Variants in LRP1B observed in about 807,000 individuals in gnomAD.
LRP1B encodes the protein low-density lipoprotein receptor-related protein 1B.
In LRP1B, 217 loss-of-function variants were observed where a neutral mutation model predicts 556.6. That is an observed-to-expected ratio of 0.39 (90% confidence interval 0.35 to 0.44). The LOEUF (loss-of-function observed/expected upper bound fraction) is 0.44. Ranked by LOEUF, LRP1B falls within the 20% of genes least tolerant of loss-of-function variation. The probability of loss-of-function intolerance (pLI) is 1.00; values close to 1 mark genes in which losing one functional copy is unlikely to be tolerated. For synonymous variants in LRP1B, 2,047 were observed against 1,865.8 expected, an observed-to-expected ratio of 1.10 and a Z score of -2.50; for missense variants, 5,053 against 5,620.8, an observed-to-expected ratio of 0.90 and a Z score of 3.23.
At chr2:140,576,809 A>T (rs1481774781) in intron 43 of LRP1B, among the ~76,000 whole-genome samples, 1 of 152,110 alleles carries the variant, frequency 6.6e-6, no homozygotes, top group African/African-American at 2.4e-5. Flanking sequence ...GATGGTTGCT[A>T]TTTTATACTC....
intron 1 of LRP1B, among the ~76,000 whole-genome samples, chr2:142,115,175 T>C (rs1346219084): frequency 6.6e-6 from 1 of 151,754 alleles, no homozygotes; most frequent in Non-Finnish European, 1.5e-5. Flanking sequence ...TGCATTCAGT[T>C]AGAAGTCTGT....
At chr2:140,766,360 A>C (rs1396288720) in intron 35 of LRP1B, among the ~76,000 whole-genome samples, 1 of 152,052 alleles carries the variant, frequency 6.6e-6, no homozygotes, top group Non-Finnish European at 1.5e-5. Flanking sequence ...AGATATTATA[A>C]ATCAAGCTGC....
At chr2:140,269,246 A>G (rs1449172627) in intron 86 of LRP1B, 1 of 470,406 alleles carries the variant, frequency 2.1e-6, no homozygotes, top group South Asian at 1.6e-5. Context: ...AAGCGCAGCG[A>G]TAAGTGGAAG....
intron 1 of LRP1B, among the ~76,000 whole-genome samples, chr2:142,101,943 T>C (rs948985608): frequency 6.6e-6 from 1 of 151,978 alleles, no homozygotes; most frequent in African/African-American, 2.4e-5. Context: ...TGAGATAGTA[T>C]GGAGAGAGAA....
chr2:140,377,804 T>G (rs1352347278), intron 68 of LRP1B, among the ~76,000 whole-genome samples: 1 of 152,148 alleles, frequency 6.6e-6, no homozygotes, highest in Non-Finnish European at 1.5e-5. Flanking sequence ...AGAAAGAGAC[T>G]GGGGAGAAGA....
chr2:140,634,079 T>A (rs558608032), intron 41 of LRP1B, among the ~76,000 whole-genome samples: 1 of 152,254 alleles, frequency 6.6e-6, no homozygotes, highest in Non-Finnish European at 1.5e-5. Context: ...AATGTAGCAG[T>A]GCATGAAAAG....
At chr2:141,665,430 T>C (rs1009750786) in intron 2 of LRP1B, among the ~76,000 whole-genome samples, 1 of 152,078 alleles carries the variant, frequency 6.6e-6, no homozygotes, top group Non-Finnish European at 1.5e-5. Flanking sequence ...CAAGAAATAA[T>C]AGATGCTGGT....
At chr2:140,878,312 C>T (rs1693372030) in intron 25 of LRP1B, among the ~76,000 whole-genome samples, 1 of 151,672 alleles carries the variant, frequency 6.6e-6, no homozygotes, top group African/African-American at 2.4e-5. Context: ...GCCTATTTTC[C>T]CAAAAAATTT....
intron 3 of LRP1B, among the ~76,000 whole-genome samples, chr2:141,297,699 T>C (rs560808502): frequency 1.3e-5 from 2 of 152,246 alleles, no homozygotes; most frequent in East Asian, 3.9e-4. Flanking sequence ...TTACTTTACT[T>C]ATATTTGTAC....
intron 62 of LRP1B, 133 bp from the exon 63 acceptor site, chr2:140,450,794 C>T (rs1686854001): frequency 1.6e-6 from 1 of 613,320 alleles, no homozygotes; most frequent in Non-Finnish European, 2.8e-6. Context: ...TGGAAAATTC[C>T]ACAATAGGAA....
intron 3 of LRP1B, among the ~76,000 whole-genome samples, chr2:141,463,614 AT>A (rs561383834): frequency 2.8e-4 from 28 of 100,924 alleles, no homozygotes; most frequent in Admixed American, 1.5e-3. Flanking sequence ...ATTATATATA[AT>A]TATGTATTAT....
intron 18 of LRP1B, among the ~76,000 whole-genome samples, chr2:140,971,533 T>G (rs1386739657): frequency 6.6e-6 from 1 of 152,186 alleles, no homozygotes; most frequent in African/African-American, 2.4e-5. Flanking sequence ...CATTCTCTGA[T>G]CTTCTTTTAA....
intron 7 of LRP1B, among the ~76,000 whole-genome samples, chr2:141,098,009 A>C (rs1700363598): frequency 6.6e-6 from 1 of 152,182 alleles, no homozygotes; most frequent in Non-Finnish European, 1.5e-5. Flanking sequence ...TCAAGCAGAC[A>C]ATACAGCTTT....
chr2:142,016,424 A>C (rs1392118151), intron 1 of LRP1B, among the ~76,000 whole-genome samples: 1 of 152,222 alleles, frequency 6.6e-6, no homozygotes, highest in African/African-American at 2.4e-5. Context: ...ACTTGGAACC[A>C]ACCCAAATGC....
At chr2:141,791,772 A>G (rs1431803819) in intron 2 of LRP1B, among the ~76,000 whole-genome samples, 2 of 152,202 alleles carry the variant, frequency 1.3e-5, no homozygotes, top group East Asian at 3.9e-4. Flanking sequence ...CATGCTAGCC[A>G]GTAAGCAGTC....
chr2:141,443,410 G>A (rs1434115545), intron 3 of LRP1B, among the ~76,000 whole-genome samples: 3 of 152,092 alleles, frequency 2.0e-5, no homozygotes, highest in African/African-American at 7.2e-5. Context: ...AGCTTCTTTT[G>A]CTGTGCAGGA....
intron 1 of LRP1B, among the ~76,000 whole-genome samples, chr2:142,090,212 A>C (rs997282745): frequency 4.6e-5 from 7 of 152,166 alleles, no homozygotes; most frequent in African/African-American, 1.7e-4. Context: ...GTTATTATTC[A>C]TATGTAATAT....
At chr2:141,928,824 T>G (rs1700408354) in intron 1 of LRP1B, among the ~76,000 whole-genome samples, 1 of 152,176 alleles carries the variant, frequency 6.6e-6, no homozygotes, top group Admixed American at 6.6e-5. Context: ...CCTCTACTTT[T>G]GACCTCAGCT....
At chr2:141,873,334 C>T (rs79459636) in intron 1 of LRP1B, among the ~76,000 whole-genome samples, 26,172 of 151,714 alleles carry the variant, frequency 0.17, 2,294 homozygotes, top group South Asian at 0.19. Flanking sequence ...ATAGCATGTG[C>T]CTGTAGTCCC....
Sources: allele counts gnomAD v4.1 joint callset (sites outside exome capture counted in the v4.1 genomes callset), GRCh38; gene constraint gnomAD v4.1.1; transcripts MANE v1.5; gene names NCBI Gene and HGNC (gene_info 2026-07-23, HGNC 2026-07-21).